The following CCHCR1 variants were observed in gnomAD, a reference collection of about 807,000 sequenced individuals.
The protein encoded by CCHCR1 is coiled-coil alpha-helical rod protein 1.
CCHCR1 carries 91 observed loss-of-function variants against 114.6 expected under a neutral mutation model. The observed-to-expected ratio is 0.79, with a 90% confidence interval of 0.67 to 0.94. The LOEUF (loss-of-function observed/expected upper bound fraction) is 0.94. Among genes scored for constraint, CCHCR1 ranks in the 40% least tolerant of loss-of-function variants. The probability of loss-of-function intolerance (pLI) is 0.00; values close to 1 mark genes in which losing one functional copy is unlikely to be tolerated. For missense variants in CCHCR1, 899 were observed against 1,079.9 expected (o/e 0.83, Z 2.35); for synonymous variants, 379 against 428.5 (o/e 0.88, Z 1.43).
chr6:31,157,656 CAG>C lies in CCHCR1; in HGVS notation c.-58_-57del, dbSNP rs1776275346. 1 of 1,385,576 alleles carries C rather than the reference CAG, an allele frequency of 7.2e-7. No individual in the cohort carries two copies. The highest frequency in any genetic ancestry group is 1.4e-5 in the African/African-American group (1 of 70,074). The allele number at this position is 1,385,576 out of a possible 1,614,324, so 85.8% of individuals were successfully genotyped here. A position where few individuals can be genotyped will look rare whatever the true frequency, so the allele number is the denominator to read the frequency against. On this transcript the variant is annotated 5_prime_UTR_variant, in exon 1 of 18. It removes the in-frame stop codon of an upstream open reading frame in the 5' UTR. Coordinates refer to ENST00000396268, the MANE Select transcript of CCHCR1 (RefSeq NM_001105564.2). ...AATCCAGGCCGCCTAGATCCCCAGG[CAG>C]AAAAGCCAGCGTCCTGACATCTTAT...
At chr6:31,148,584 G>A in intron 9 of CCHCR1, 34 bp downstream of exon 9, 1 of 1,594,572 alleles carries the variant, frequency 6.3e-7, no homozygotes, top group Non-Finnish European at 8.6e-7. Context: ...GGGCTCCCTT[G>A]CCCTCCCCGA....
In CCHCR1 at chr6:31,145,812, G is replaced by A. The variant is rs762528799; in HGVS notation, c.1581-4C>T. On this transcript the variant is annotated splice_region_variant and splice_polypyrimidine_tract_variant and intron_variant, in intron 10 of 17. Transcript: ENST00000396268. ...GGTCTCGAGCCAGATCTGAGAGCTG[G>A]AGAGGGCACAAGTCACTGATCCTCC... 9 of 1,593,678 alleles carry A rather than the reference G, an allele frequency of 5.6e-6. No individual in the cohort carries two copies. Among genetic ancestry groups the A allele is most frequent in the African/African-American group, 1.3e-5 (1 of 74,582 alleles).
rs1561797302 is a variant in CCHCR1, at chr6:31,145,513, G to A, written c.1694-20C>T. 3 of 1,613,128 alleles carry A rather than the reference G, an allele frequency of 1.9e-6. No homozygotes were observed. The highest frequency in any genetic ancestry group is 2.5e-6 in the Non-Finnish European group (3 of 1,179,168). ...TCAGGCCTGGAGGGGAAAAAGCAGG[G>A]AGAAAAAGAGATGAAGTTTGCATGG... On this transcript the variant is annotated intron_variant, in intron 11 of 17. Transcript: ENST00000396268.
Position 31,145,320 on chromosome 6 carries a change from A to G in CCHCR1, c.1740-18T>C. On this transcript the variant is annotated intron_variant, in intron 12 of 17. Coordinates refer to ENST00000396268, the MANE Select transcript of CCHCR1 (RefSeq NM_001105564.2). ...GGGGACAGCTGGGACGGGGAAGAGA[A>G]AGAGTCAGAAGAAATCACCCAGCTG... 1 of 1,613,614 alleles carries G rather than the reference A, an allele frequency of 6.2e-7. No homozygotes were observed. Among genetic ancestry groups the G allele is most frequent in the Non-Finnish European group, 8.5e-7 (1 of 1,179,780 alleles).
chr6:31,157,286 C>A, intron 1 of CCHCR1, 99 bp downstream of exon 1: 1 of 1,103,178 alleles, frequency 9.1e-7, no homozygotes, highest in South Asian at 1.3e-5. Context: ...TCATGGAACC[C>A]AAGCAACTAT....
chr6:31,157,578 G>A lies in CCHCR1; in HGVS notation c.23C>T (p.Ala8Val). 1 of 1,611,900 alleles carries A rather than the reference G, an allele frequency of 6.2e-7. No individual in the cohort carries two copies. The highest frequency in any genetic ancestry group is 1.3e-5 in the African/African-American group (1 of 75,006). The part of the protein sequence containing the change: MWPHSAG[A>V]RPWASTLTGK... ...TGTTAAAGTGCTGGCCCAAGGCCTG[G>A]CCCCAGCTGAATGTGGCCACATGCA... Residue 8 changes from alanine (A) to valine (V), a missense_variant, in exon 1 of 18, where the codon GCC becomes GTC. Ala to Val is a moderately conservative substitution (Grantham distance 64, BLOSUM62 0). Transcript: ENST00000396268.
chr6:31,151,504 G>A lies in CCHCR1; in HGVS notation c.802-382C>T, dbSNP rs1264050514. Among the ~76,000 whole-genome samples, 2 of 152,150 alleles carry A rather than the reference G, an allele frequency of 1.3e-5. No homozygotes were observed. The highest frequency in any genetic ancestry group is 2.4e-5 in the African/African-American group (1 of 41,426). On this transcript the variant is annotated intron_variant, in intron 4 of 17. Transcript: ENST00000396268. The surrounding 1 kb of genome is among the most constrained non-coding windows in gnomAD (Gnocchi z 4.1). ...GGGACCCGGCCTCTGCCTACCTCCTGAGCTCACCCTGGAGGCTCTCCCACT... is the reference window on the plus strand; with the variant it reads ...GGGACCCGGCCTCTGCCTACCTCCTAAGCTCACCCTGGAGGCTCTCCCACT...
rs1775760156 is a variant in CCHCR1 at position 31,154,816 on chromosome 6, G to C, written c.498-17C>G. 6.3e-7 allele frequency: 1 copy of C among 1,585,246 alleles called. No homozygotes were observed. Among genetic ancestry groups the C allele is most frequent in the East Asian group, 2.2e-5 (1 of 44,590 alleles). The stretch of plus-strand genomic sequence containing the variant: ...CCCCAGGACCTTCAAAGACAGGTTA[G>C]TGCAGGTGAGACTTGTCTCCAGTGC... On this transcript the variant is annotated splice_polypyrimidine_tract_variant and intron_variant, in intron 3 of 17. Transcript: ENST00000396268. The surrounding 1 kb of genome is among the most constrained non-coding windows in gnomAD (Gnocchi z 4.1).
At chr6:31,146,552 G>A (rs1774364728) in intron 10 of CCHCR1, among the ~76,000 whole-genome samples, 1 of 152,134 alleles carries the variant, frequency 6.6e-6, no homozygotes. Flanking sequence ...GAGAGTCCAG[G>A]TCTGCACCCA....
Position 31,143,348 on chromosome 6 carries a change from G to C in CCHCR1, c.2233C>G (p.Arg745Gly). 1 of 1,612,946 alleles carries C rather than the reference G, an allele frequency of 6.2e-7. No individual in the cohort carries two copies. The highest frequency in any genetic ancestry group is 1.1e-5 in the South Asian group (1 of 91,082). The stretch of plus-strand genomic sequence containing the variant: ...TCCTTCCGGGCCTCCTCCTGCAGAC[G>C]CCTGAGTTCCTGGCTCCGCTCCTTT... ...QEKERSQELR[R>G]LQEEARKEEG... Residue 745 changes from arginine to glycine, a missense_variant, in exon 16 of 18, where the codon CGT becomes GGT. Arg to Gly is a moderately radical substitution (Grantham distance 125, BLOSUM62 -2). Coordinates refer to ENST00000396268, the MANE Select transcript of CCHCR1 (RefSeq NM_001105564.2). This position sits in a 1 kb window ranked among gnomAD's most constrained non-coding sequence, Gnocchi z 5.3.
rs892508618 is a variant in CCHCR1 at position 31,151,294 on chromosome 6, A to G, written c.802-172T>C. On this transcript the variant is annotated intron_variant, in intron 4 of 17. Transcript: ENST00000396268. The surrounding 1 kb of genome is among the most constrained non-coding windows in gnomAD (Gnocchi z 4.1). Reference sequence around the variant, plus strand: ...CTCCGCAGCTGCCCCACAACCCATCAGGAGTTCTTGTCCGATCTCCCCCAA... The same window carrying G: ...CTCCGCAGCTGCCCCACAACCCATCGGGAGTTCTTGTCCGATCTCCCCCAA... Among the ~76,000 whole-genome samples the G allele has an allele frequency of 2.1e-4, 32 of 152,160 alleles. No homozygotes were observed. Among genetic ancestry groups the G allele is most frequent in the African/African-American group, 6.8e-4 (28 of 41,430 alleles).
intron 12 of CCHCR1, 56 bp from the exon 13 acceptor site, chr6:31,145,358 GC>G: frequency 6.2e-7 from 1 of 1,612,184 alleles, no homozygotes; most frequent in South Asian, 1.1e-5. Context: ...TGATCCCAAA[GC>G]CCCCATCCCA....
rs1193500403 is a variant in CCHCR1 at position 31,157,108 on chromosome 6, A to G, written c.217-19T>C. On this transcript the variant is annotated intron_variant, in intron 1 of 17. Coordinates refer to ENST00000396268, the MANE Select transcript of CCHCR1 (RefSeq NM_001105564.2). ...TGTTCCCCTGGACAAGAGGAGAAAC[A>G]AAGACACTCCAATTCAATTTTCAGG... is the stretch of plus-strand genomic sequence containing the variant. 2 of 1,593,904 alleles carry G rather than the reference A, an allele frequency of 1.3e-6. No individual in the cohort carries two copies. Among genetic ancestry groups the G allele is most frequent in the Non-Finnish European group, 1.7e-6 (2 of 1,164,144 alleles).
chr6:31,146,295 A>G (rs927393164), intron 10 of CCHCR1, among the ~76,000 whole-genome samples: 4 of 152,214 alleles, frequency 2.6e-5, no homozygotes, highest in Non-Finnish European at 5.9e-5. Context: ...CAGTGAGCCA[A>G]GATCGCACCC....
intron 3 of CCHCR1, among the ~76,000 whole-genome samples, chr6:31,155,766 G>A (rs998158921): frequency 6.6e-6 from 1 of 152,132 alleles, no homozygotes; most frequent in Non-Finnish European, 1.5e-5. Flanking sequence ...CTGAGACCCA[G>A]GACTATAAGA....
Position 31,143,495 on chromosome 6 carries a change from C to A in CCHCR1, c.2168-82G>T. The A allele has an allele frequency of 6.8e-7, 1 of 1,475,118 alleles. No homozygotes were observed. 91.4% of individuals were successfully genotyped at this position (1,475,118 alleles called of 1,614,324 possible). A position where few individuals can be genotyped will look rare whatever the true frequency, so the allele number is the denominator to read the frequency against. ...GGCACCATGAAGACAGGAACAAACG[C>A]TGGGTCACCAACTCTGTGGCTTGGG... On this transcript the variant is annotated intron_variant, in intron 15 of 17. Coordinates refer to ENST00000396268, the MANE Select transcript of CCHCR1 (RefSeq NM_001105564.2). The surrounding 1 kb of genome is among the most constrained non-coding windows in gnomAD (Gnocchi z 5.3).
rs764591247 is a variant in CCHCR1, at chr6:31,144,836, C to A, written c.2066-48G>T. The A allele has an allele frequency of 1.2e-6, 2 of 1,609,098 alleles. No individual in the cohort carries two copies. Among genetic ancestry groups the A allele is most frequent in the South Asian group, 1.1e-5 (1 of 90,962 alleles). The stretch of plus-strand genomic sequence containing the variant: ...GCATATCAGCAGGAGCTTTGATTCG[C>A]AGTTCCCACCCCACCCTCCAAGGGA... On this transcript the variant is annotated intron_variant, in intron 14 of 17. Coordinates refer to ENST00000396268, the MANE Select transcript of CCHCR1 (RefSeq NM_001105564.2). The surrounding 1 kb of genome is among the most constrained non-coding windows in gnomAD (Gnocchi z 4.6).
Position 31,144,331 on chromosome 6 carries a change from G to C in CCHCR1, c.2167+356C>G, listed in dbSNP as rs1265079. Among the ~76,000 whole-genome samples, 2 of 151,804 alleles carry C rather than the reference G, an allele frequency of 1.3e-5. No homozygotes were observed. Among genetic ancestry groups the C allele is most frequent in the African/African-American group, 4.8e-5 (2 of 41,334 alleles). On this transcript the variant is annotated intron_variant, in intron 15 of 17. Coordinates refer to ENST00000396268, the MANE Select transcript of CCHCR1 (RefSeq NM_001105564.2). This position sits in a 1 kb window ranked among gnomAD's most constrained non-coding sequence, Gnocchi z 4.6. ...ACATCAGCCTCACAAGTAAGCTTGG[G>C]GTACAGGTGCCCACCACCAGGCCTA... is the stretch of plus-strand genomic sequence containing the variant.
intron 1 of CCHCR1, 25 bp downstream of exon 1, chr6:31,157,360 T>C: frequency 1.3e-6 from 2 of 1,573,940 alleles, no homozygotes; most frequent in Non-Finnish European, 1.7e-6. Flanking sequence ...ACTCATACTT[T>C]CAGGATTCTG....
Sources: gnomAD v4.1 joint callset for allele counts (sites outside exome capture counted in the v4.1 genomes callset) on GRCh38, gnomAD v4.1.1 for gene constraint, Gnocchi (gnomAD v3.1) non-coding constraint, MANE v1.5 for transcripts, NCBI Gene and HGNC (gene_info 2026-07-23, HGNC 2026-07-21) for gene names.